Variants in RYK observed in about 807,000 individuals in gnomAD.
The protein encoded by RYK is inactive tyrosine-protein kinase RYK.
Under a neutral mutation model 70.2 loss-of-function variants are expected in RYK, and 21 were observed. The observed-to-expected ratio is 0.30, with a 90% CI of 0.21 to 0.43. The LOEUF (loss-of-function observed/expected upper bound fraction) is 0.43, where lower values mean the gene tolerates loss of function less well. Ranked by LOEUF, RYK falls within the 20% of genes least tolerant of loss-of-function variation. The pLI is 1.00. For synonymous variants in RYK, 267 were observed against 278.0 expected (o/e 0.96, Z 0.39); for missense variants, 604 against 753.3 (o/e 0.80, Z 2.32).
intron 6 of RYK, among the ~76,000 whole-genome samples, chr3:134,201,244 C>T (rs1358279003): frequency 6.6e-6 from 1 of 152,236 alleles, no homozygotes; most frequent in Non-Finnish European, 1.5e-5. Flanking sequence ...ACTTCCTTCT[C>T]ATTCGTATCC....
intron 10 of RYK, among the ~76,000 whole-genome samples, chr3:134,181,883 T>C (rs974842217): frequency 2.0e-5 from 3 of 152,194 alleles, no homozygotes; most frequent in African/African-American, 7.2e-5. Flanking sequence ...AAGGTCTTCA[T>C]GGCCGGGCAC....
chr3:134,190,132 G>C (rs1209936191), intron 8 of RYK, among the ~76,000 whole-genome samples: 2 of 152,178 alleles, frequency 1.3e-5, no homozygotes, highest in African/African-American at 4.8e-5. Context: ...AGGCAGAAAA[G>C]ACTTTGGATA....
intron 1 of RYK, among the ~76,000 whole-genome samples, chr3:134,232,933 G>A (rs983320763): frequency 6.6e-6 from 1 of 152,248 alleles, no homozygotes; most frequent in African/African-American, 2.4e-5. Context: ...CTGCCAAGCA[G>A]GAGTCCTCTC....
rs761055723 is a variant in RYK, at chr3:134,222,544, A to G, written c.233-5T>C. The G allele has an allele frequency of 2.5e-5, 39 of 1,586,430 alleles. No homozygotes were observed. The South Asian group carries it at 3.9e-4, about 16-fold the overall frequency. On this transcript the variant is annotated splice_polypyrimidine_tract_variant and splice_region_variant and intron_variant, in intron 1 of 14. Coordinates refer to ENST00000623711, the MANE Select transcript of RYK (RefSeq NM_002958.4). ...AATAAAGTTCTGCATCAAGACCTAG[A>G]AAAAAATAGGAAAAAAATAATTAAA...
At chr3:134,213,190 A>C (rs1479421555) in intron 2 of RYK, among the ~76,000 whole-genome samples, 2 of 152,192 alleles carry the variant, frequency 1.3e-5, no homozygotes, top group East Asian at 1.9e-4. Flanking sequence ...CACCGATGCT[A>C]TCTCTGAACA....
chr3:134,172,295 C>A (rs139092446), intron 13 of RYK, among the ~76,000 whole-genome samples: 533 of 152,244 alleles, frequency 3.5e-3, no homozygotes, highest in African/African-American at 0.012. Flanking sequence ...TAGATGTGAG[C>A]TTTTACTAAA....
intron 13 of RYK, among the ~76,000 whole-genome samples, chr3:134,172,066 C>T (rs1398558233): frequency 6.6e-6 from 1 of 152,116 alleles, no homozygotes; most frequent in African/African-American, 2.4e-5. Context: ...TTCTGCCCAT[C>T]GAACTAGTTT....
At chr3:134,161,386 T>C (rs2012465874) in intron 13 of RYK, among the ~76,000 whole-genome samples, 1 of 152,198 alleles carries the variant, frequency 6.6e-6, no homozygotes, top group Non-Finnish European at 1.5e-5. Flanking sequence ...TTGTAGGATG[T>C]TTAGCATTCT....
intron 1 of RYK, among the ~76,000 whole-genome samples, chr3:134,239,758 A>G (rs1050799259): frequency 6.6e-6 from 1 of 152,276 alleles, no homozygotes; most frequent in Non-Finnish European, 1.5e-5. Context: ...CTATTCAAAC[A>G]GAACTTTCAC....
Position 134,175,593 on chromosome 3 carries a change from G to C in RYK, c.1575+16C>G. 1 of 1,607,624 alleles carries C rather than the reference G, an allele frequency of 6.2e-7. No homozygotes were observed. Among genetic ancestry groups the C allele is most frequent in the Non-Finnish European group, 8.5e-7 (1 of 1,177,426 alleles). On this transcript the variant is annotated intron_variant, in intron 13 of 14. Transcript: ENST00000623711. Reference sequence around the variant, plus strand: ...GTTTCTCTATTCTTTTGCTATCTGGGGGTCCCGGCACTTACCACATCACTA... The same window carrying C: ...GTTTCTCTATTCTTTTGCTATCTGGCGGTCCCGGCACTTACCACATCACTA...
intron 7 of RYK, 130 bp from the exon 8 acceptor site, chr3:134,192,104 CAT>C (rs2013659106): frequency 2.4e-6 from 2 of 841,198 alleles, no homozygotes; most frequent in Non-Finnish European, 3.7e-6. Context: ...AGGAAACAGG[CAT>C]ATATATGAAC....
At chr3:134,187,912 AT>A (rs1260230342) in intron 9 of RYK, among the ~76,000 whole-genome samples, 2 of 152,052 alleles carry the variant, frequency 1.3e-5, no homozygotes, top group African/African-American at 4.8e-5. Context: ...AGTAATTAAA[AT>A]TCTAGTATTT....
chr3:134,175,366 C>T (rs956885177), intron 13 of RYK, among the ~76,000 whole-genome samples: 3 of 148,440 alleles, frequency 2.0e-5, no homozygotes, highest in Non-Finnish European at 4.4e-5. Context: ...AAAAAAAGTG[C>T]TTCTGTCAGA....
chr3:134,199,894 A>C (rs1197666796), intron 6 of RYK, among the ~76,000 whole-genome samples: 1 of 151,198 alleles, frequency 6.6e-6, no homozygotes, highest in East Asian at 1.9e-4. Flanking sequence ...TTGTAAACGC[A>C]CCAATCAGTG....
At chr3:134,159,171 C>G in intron 14 of RYK, 66 bp downstream of exon 14, 2 of 1,539,348 alleles carry the variant, frequency 1.3e-6, no homozygotes, top group Non-Finnish European at 1.8e-6. Flanking sequence ...GAAACCTGCT[C>G]TTTTTCCTTT....
chr3:134,159,296 C>T lies in RYK; in HGVS notation c.1653G>A (p.Met551Ile). The change falls in exon 14 of 15, where the codon ATG (methionine) becomes ATA (isoleucine). Residue 551 changes from methionine (M) to isoleucine (I), a missense_variant. This residue lies in a region of RYK where 138 missense variants were observed against 217.4 expected (regional missense o/e 0.63). Transcript: ENST00000623711. ...TPYVDIDPFE[M>I]AAYLKDGYRI... ...GGTAACCATCTTTCAGGTATGCGGC[C>T]ATCTCGAAGGGGTCAATGTCCACGT... The T allele has an allele frequency of 6.2e-7, 1 of 1,613,906 alleles. No individual in the cohort carries two copies. Among genetic ancestry groups the T allele is most frequent in the South Asian group, 1.1e-5 (1 of 91,066 alleles).
chr3:134,240,789 G>C (rs1267463383), intron 1 of RYK, among the ~76,000 whole-genome samples: 1 of 152,098 alleles, frequency 6.6e-6, no homozygotes, highest in Non-Finnish European at 1.5e-5. Flanking sequence ...TTTTTCTAGG[G>C]AAAGGGCCTA....
At chr3:134,158,391 G>A (rs570145502) in intron 14 of RYK, 127 bp from the exon 15 acceptor site, 27 of 421,474 alleles carry the variant, frequency 6.4e-5, no homozygotes, top group Middle Eastern at 6.2e-4. Flanking sequence ...ATTAAAAACG[G>A]ATCCATTTTA....
chr3:134,189,238 G>A (rs1477264434), intron 8 of RYK, among the ~76,000 whole-genome samples: 1 of 152,138 alleles, frequency 6.6e-6, no homozygotes, highest in African/African-American at 2.4e-5. Flanking sequence ...TATCCACAAT[G>A]GCATTTATGA....
Sources: gnomAD v4.1 joint callset for allele counts (sites outside exome capture counted in the v4.1 genomes callset) on GRCh38, gnomAD v4.1.1 for gene constraint, gnomAD v4.1.1 regional missense constraint, MANE v1.5 for transcripts, NCBI Gene and HGNC (gene_info 2026-07-23, HGNC 2026-07-21) for gene names.